Variants in CDH9 observed in about 807,000 individuals in gnomAD.
The protein encoded by CDH9 is cadherin 9.
In CDH9, 28 loss-of-function variants were observed where a neutral mutation model predicts 70.9. The ratio of observed to expected loss-of-function variants is 0.40; its 90% CI spans 0.29 to 0.54. The LOEUF (loss-of-function observed/expected upper bound fraction) is 0.54. Ranked by LOEUF, CDH9 falls within the 20% of genes least tolerant of loss-of-function variation. CDH9 has a pLI of 0.59. For missense variants in CDH9, 874 were observed against 984.4 expected, an observed-to-expected ratio of 0.89 and a Z score of 1.50; for synonymous variants, 409 against 343.1, an observed-to-expected ratio of 1.19 and a Z score of -2.12.
intron 1 of CDH9, among the ~76,000 whole-genome samples, chr5:27,010,793 ACC>A (rs1412358628): frequency 6.6e-6 from 1 of 152,166 alleles, no homozygotes; most frequent in Non-Finnish European, 1.5e-5. Flanking sequence ...ATATATGTGC[ACC>A]AGTTGCAGTG....
chr5:26,885,291 T>G (rs559482491), intron 11 of CDH9, among the ~76,000 whole-genome samples: 29 of 152,248 alleles, frequency 1.9e-4, no homozygotes, highest in Non-Finnish European at 2.9e-4. Context: ...ATACAGTTGA[T>G]GCAAAGATGA....
chr5:26,986,128 A>G (rs1742484127), intron 2 of CDH9, among the ~76,000 whole-genome samples: 1 of 152,050 alleles, frequency 6.6e-6, no homozygotes, highest in African/African-American at 2.4e-5. Context: ...TGAGGTGTCT[A>G]TTTCATATAC....
At chr5:26,980,757 T>C (rs1742385490) in intron 2 of CDH9, among the ~76,000 whole-genome samples, 1 of 151,950 alleles carries the variant, frequency 6.6e-6, no homozygotes, top group African/African-American at 2.4e-5. Context: ...ATTCAGTCTA[T>C]TGAGTCAGAA....
intron 7 of CDH9, among the ~76,000 whole-genome samples, chr5:26,894,158 T>C (rs181635586): frequency 1.3e-5 from 2 of 152,244 alleles, no homozygotes; most frequent in East Asian, 3.9e-4. Context: ...TTTCTCTCTA[T>C]TGTTGGAAAG....
chr5:26,990,367 A>G (rs754082251), intron 1 of CDH9, among the ~76,000 whole-genome samples: 7 of 152,164 alleles, frequency 4.6e-5, no homozygotes, highest in Non-Finnish European at 1.0e-4. Context: ...TCTTAATGCA[A>G]ACATATGGTT....
chr5:26,902,386 A>G (rs753986645), intron 7 of CDH9, 90 bp downstream of exon 7: 20 of 811,122 alleles, frequency 2.5e-5, no homozygotes, highest in Admixed American at 2.4e-4. Context: ...GTGCTTGATT[A>G]TACATTGTGC....
chr5:27,014,306 T>G (rs544494001), intron 1 of CDH9, among the ~76,000 whole-genome samples: 1 of 152,086 alleles, frequency 6.6e-6, no homozygotes, highest in African/African-American at 2.4e-5. Flanking sequence ...TATTTCTATA[T>G]TAACCCCTTC....
intron 1 of CDH9, among the ~76,000 whole-genome samples, chr5:27,036,031 A>G: frequency 6.6e-6 from 1 of 151,822 alleles, no homozygotes. Context: ...TGCATATTAT[A>G]TGTTGCCACA....
At chr5:26,941,302 A>C (rs1368941096) in intron 2 of CDH9, among the ~76,000 whole-genome samples, 2 of 152,218 alleles carry the variant, frequency 1.3e-5, no homozygotes, top group African/African-American at 4.8e-5. Flanking sequence ...CTATGTCATC[A>C]ACGGTAATTT....
chr5:26,965,442 G>A (rs1742112473), intron 2 of CDH9, among the ~76,000 whole-genome samples: 1 of 151,794 alleles, frequency 6.6e-6, no homozygotes, highest in Non-Finnish European at 1.5e-5. Flanking sequence ...CAGGCGTGGT[G>A]GCGGGTGCCT....
intron 1 of CDH9, among the ~76,000 whole-genome samples, chr5:27,009,136 A>G (rs1188014891): frequency 1.3e-5 from 2 of 152,156 alleles, no homozygotes; most frequent in African/African-American, 4.8e-5. Context: ...AAGGCAGCTC[A>G]CAAGCCATAT....
At chr5:27,015,727 T>A (rs923439733) in intron 1 of CDH9, among the ~76,000 whole-genome samples, 9 of 151,802 alleles carry the variant, frequency 5.9e-5, no homozygotes, top group African/African-American at 1.9e-4. Flanking sequence ...CCATGCACTC[T>A]GCCAAACACT....
At chr5:26,962,073 G>A (rs1262664951) in intron 2 of CDH9, among the ~76,000 whole-genome samples, 1 of 152,152 alleles carries the variant, frequency 6.6e-6, no homozygotes, top group East Asian at 1.9e-4. Context: ...GAGAACATGC[G>A]GTGTTTGTTT....
At chr5:27,000,320 T>C (rs942658422) in intron 1 of CDH9, among the ~76,000 whole-genome samples, 11 of 152,254 alleles carry the variant, frequency 7.2e-5, no homozygotes, top group Admixed American at 2.6e-4. Flanking sequence ...TGCTATGACA[T>C]ACCTATTATA....
chr5:26,936,865 A>G (rs1413964620), intron 2 of CDH9, among the ~76,000 whole-genome samples: 4 of 118,708 alleles, frequency 3.4e-5, no homozygotes, highest in East Asian at 2.4e-4. Flanking sequence ...ACACACACGC[A>G]CACACACACA....
chr5:26,971,891 C>T (rs1214906266), intron 2 of CDH9, among the ~76,000 whole-genome samples: 1 of 152,076 alleles, frequency 6.6e-6, no homozygotes, highest in East Asian at 1.9e-4. Context: ...AAAGTGACAT[C>T]AGATGAACAC....
chr5:26,988,282 T>C lies in CDH9; in HGVS notation c.52A>G (p.Thr18Ala), dbSNP rs752560018. 2 of 1,613,368 alleles carry C rather than the reference T, an allele frequency of 1.2e-6. No individual in the cohort carries two copies. The highest frequency in any genetic ancestry group is 3.3e-5 in the Admixed American group (2 of 59,964). ...PLFIWTYMFHTVDTILLQEKP... is the reference protein window; with the variant it reads ...PLFIWTYMFHAVDTILLQEKP... ...TCTTGTAATAGGATGGTGTCAACTG[T>C]ATGGAACATATAGGTCCAGATGAAT... is the stretch of plus-strand genomic sequence containing the variant. Residue 18 changes from threonine (T) to alanine (A), a missense_variant, in exon 2 of 12, where the codon ACA (threonine) becomes GCA (alanine). By Grantham distance (58) the Thr-to-Ala change is moderately conservative (BLOSUM62 0). Coordinates refer to ENST00000231021, the MANE Select transcript of CDH9 (RefSeq NM_016279.4).
At chr5:26,933,892 C>G (rs1741513463) in intron 2 of CDH9, among the ~76,000 whole-genome samples, 1 of 152,002 alleles carries the variant, frequency 6.6e-6, no homozygotes, top group Non-Finnish European at 1.5e-5. Flanking sequence ...GGATAGTAAA[C>G]AAATATTATA....
intron 1 of CDH9, among the ~76,000 whole-genome samples, chr5:27,001,837 C>T (rs867820384): frequency 4.9e-4 from 65 of 132,130 alleles, no homozygotes; most frequent in African/African-American, 1.7e-3. Context: ...CATACACACA[C>T]ACACACACTC....
Sources: gnomAD v4.1 joint callset for allele counts (sites outside exome capture counted in the v4.1 genomes callset) on GRCh38, gnomAD v4.1.1 for gene constraint, MANE v1.5 for transcripts, NCBI Gene and HGNC (gene_info 2026-07-23, HGNC 2026-07-21) for gene names.